The following ACP6 variants were observed in gnomAD, a reference collection of about 807,000 sequenced individuals.
ACP6 encodes lysophosphatidic acid phosphatase type 6.
A neutral mutation model predicts 48.1 loss-of-function variants in ACP6; 48 were observed. The ratio of observed to expected loss-of-function variants is 1.00; its 90% CI spans 0.79 to 1.27. The LOEUF is 1.27. Among genes scored for constraint, ACP6 ranks in the 50% most tolerant of loss-of-function variants. ACP6 has a pLI of 0.00. For synonymous variants in ACP6, 172 were observed against 204.2 expected, an observed-to-expected ratio of 0.84 and a Z score of 1.34; for missense variants, 485 against 529.1, an observed-to-expected ratio of 0.92 and a Z score of 0.82.
chr1:147,668,686 C>T (rs782547013), intron 1 of ACP6, among the ~76,000 whole-genome samples: 8 of 151,764 alleles, frequency 5.3e-5, no homozygotes, highest in Non-Finnish European at 1.2e-4. Context: ...ATCAAAGAAT[C>T]AAAATGAAAG....
rs1553212372 is a variant in ACP6 at position 147,659,674 on chromosome 1, G to A, written c.321C>T (p.Asp107=). The A allele has an allele frequency of 6.2e-7, 1 of 1,614,250 alleles. No individual in the cohort carries two copies. Among genetic ancestry groups the A allele is most frequent in the Non-Finnish European group, 8.5e-7 (1 of 1,180,040 alleles). ...TCAGGGTGGTCTCATGGTATTGAGAGTCGTAAGGAGAATATGGTTTCGGAC... is the reference window on the plus strand; with the variant it reads ...TCAGGGTGGTCTCATGGTATTGAGAATCGTAAGGAGAATATGGTTTCGGAC... ...AGGPKPYSPY[D]SQYHETTLKG... is the part of the protein sequence containing the mutation. The change falls in exon 2 of 10, where the codon GAC becomes GAT. Residue 107 remains aspartate (D), a synonymous_variant. Coordinates refer to ENST00000583509, the MANE Select transcript of ACP6 (RefSeq NM_016361.5).
At chr1:147,652,694 G>A in intron 6 of ACP6, 145 bp from the exon 7 acceptor site, 1 of 1,556,672 alleles carries the variant, frequency 6.4e-7, no homozygotes, top group South Asian at 1.1e-5. Flanking sequence ...CTGTTAACAG[G>A]TCAAGAAGCT....
At chr1:147,652,361 G>T in intron 7 of ACP6, 88 bp downstream of exon 7, 1 of 1,311,794 alleles carries the variant, frequency 7.6e-7, no homozygotes. Flanking sequence ...CAGCTGTCAG[G>T]TGTGAGTGGG....
intron 8 of ACP6, among the ~76,000 whole-genome samples, chr1:147,648,934 A>G (rs1659768529): frequency 6.6e-6 from 1 of 152,194 alleles, no homozygotes; most frequent in Admixed American, 6.5e-5. Flanking sequence ...GCCTGACACC[A>G]GTATCCATCT....
intron 7 of ACP6, 42 bp downstream of exon 7, chr1:147,652,407 C>G (rs1553210688): frequency 6.4e-7 from 1 of 1,570,176 alleles, no homozygotes; most frequent in East Asian, 2.3e-5. Context: ...ACTTGGATGT[C>G]TGACCAAGCG....
chr1:147,669,066 A>G (rs1235241171), intron 1 of ACP6, among the ~76,000 whole-genome samples: 1 of 149,770 alleles, frequency 6.7e-6, no homozygotes, highest in Non-Finnish European at 1.5e-5. Context: ...TTCTGCTATA[A>G]AAAGTCACAT....
Position 147,669,967 on chromosome 1 carries a change from G to A in ACP6, c.82C>T (p.Arg28Trp). The A allele has an allele frequency of 1.3e-6, 2 of 1,550,310 alleles. No homozygotes were observed. The highest frequency in any genetic ancestry group is 4.9e-5 in the East Asian group (2 of 41,044). Residue 28 changes from arginine (R) to tryptophan (W), a missense_variant, in exon 1 of 10, where the codon CGG (arginine) becomes TGG (tryptophan). Physicochemically the swap from Arg to Trp is moderately radical, Grantham distance 101 (BLOSUM62 -3). Transcript: ENST00000583509. ...TCCTGCAGCTCGGCCAGGGCCACCC[G>A]CCGCTGGTGCAGGCAGTACGCCAGC... Reference protein sequence around the residue: ...TSLAYCLHQRRVALAELQEAD... With the variant: ...TSLAYCLHQRWVALAELQEAD...
intron 5 of ACP6, 28 bp from the exon 6 acceptor site, chr1:147,654,354 A>T: frequency 6.2e-7 from 1 of 1,611,342 alleles, no homozygotes; most frequent in Non-Finnish European, 8.5e-7. Context: ...GTAAAGCCTT[A>T]TATTCTATAG....
At chr1:147,650,113 T>C in intron 8 of ACP6, 30 bp downstream of exon 8, 9 of 1,588,704 alleles carry the variant, frequency 5.7e-6, no homozygotes, top group Non-Finnish European at 7.7e-6. Flanking sequence ...GGCCCTTAGC[T>C]GCACAAAGCA....
Position 147,650,433 on chromosome 1 carries a change from T to C in ACP6, c.882-195A>G, listed in dbSNP as rs1659859108. 2.7e-5 allele frequency: 14 copies of C among 510,124 alleles called. No individual in the cohort carries two copies. The South Asian group carries it at 4.1e-4, about 15-fold the overall frequency. The allele number at this position is 510,124 out of a possible 1,614,324, so 31.6% of individuals were successfully genotyped here. ...CTTGGGGTCCTCTGTGAATGAAGAC[T>C]CCCAACAACACAGGCACCAGCACAC... On this transcript the variant is annotated intron_variant, in intron 7 of 9. Transcript: ENST00000583509.
At chr1:147,631,792 C>T (rs967245269) in intron 5 of ACP6, among the ~76,000 whole-genome samples, 2 of 151,872 alleles carry the variant, frequency 1.3e-5, no homozygotes, top group African/African-American at 4.8e-5. Context: ...CCAGCCTGGG[C>T]GACAGAGTGA....
chr1:147,662,200 C>T (rs587757090), intron 1 of ACP6, among the ~76,000 whole-genome samples: 15 of 152,324 alleles, frequency 9.8e-5, no homozygotes, highest in African/African-American at 2.9e-4. Flanking sequence ...CACCCAAAGG[C>T]GCTAATGGAG....
intron 5 of ACP6, among the ~76,000 whole-genome samples, chr1:147,633,464 CTTTCT>C (rs1659222319): frequency 6.7e-6 from 1 of 149,742 alleles, no homozygotes; most frequent in Non-Finnish European, 1.5e-5. Context: ...GAGACTATTA[CTTTCT>C]TTTATCTGAG....
downstream of ACP6, among the ~76,000 whole-genome samples, chr1:147,637,251 C>T (rs1039768966): frequency 6.6e-6 from 1 of 152,114 alleles, no homozygotes; most frequent in South Asian, 2.1e-4. Context: ...GGGACTGGCC[C>T]GTGTGTGACC....
chr1:147,655,287 C>T (rs1553211424), intron 4 of ACP6, 39 bp from the exon 5 acceptor site: 1 of 1,471,168 alleles, frequency 6.8e-7, no homozygotes, highest in Non-Finnish European at 9.4e-7. Context: ...GCAGAGGCTT[C>T]AGCTTGTTCT....
At chr1:147,657,541 C>A (rs1157487507) in intron 4 of ACP6, among the ~76,000 whole-genome samples, 2 of 152,168 alleles carry the variant, frequency 1.3e-5, no homozygotes, top group African/African-American at 4.8e-5. Flanking sequence ...CTGCCTCAGC[C>A]TCCTGAATAG....
chr1:147,654,082 T>C (rs1553211114), intron 6 of ACP6, 112 bp downstream of exon 6: 10 of 1,517,846 alleles, frequency 6.6e-6, no homozygotes, highest in Non-Finnish European at 8.8e-6. Flanking sequence ...GTAGGTCTTA[T>C]CACAGTTGCC....
intron 1 of ACP6, 104 bp from the exon 2 acceptor site, chr1:147,659,879 C>G: frequency 1.4e-6 from 2 of 1,385,302 alleles, no homozygotes; most frequent in Non-Finnish European, 1.9e-6. Flanking sequence ...ATCACTGACA[C>G]TAGGCCTGCA....
rs782338242 is a variant in ACP6 at position 147,647,151 on chromosome 1, C to A, written c.*272G>T. The A allele has an allele frequency of 1.7e-5, 6 of 360,678 alleles. No homozygotes were observed. Among genetic ancestry groups the A allele is most frequent in the Non-Finnish European group, 2.5e-5 (5 of 196,088 alleles). The allele number at this position is 360,678 out of a possible 1,614,324, so 22.3% of individuals were successfully genotyped here. A position where few individuals can be genotyped will look rare whatever the true frequency, so the allele number is the denominator to read the frequency against. ...AAAGTCCAAAACCGACACAATTCTA[C>A]AGGGTCATGATGTCCCCAGCCCGTG... On this transcript the variant is annotated 3_prime_UTR_variant, in exon 10 of 10. Coordinates refer to ENST00000583509, the MANE Select transcript of ACP6 (RefSeq NM_016361.5).
Sources: allele counts gnomAD v4.1 joint callset (sites outside exome capture counted in the v4.1 genomes callset), GRCh38; gene constraint gnomAD v4.1.1; transcripts MANE v1.5; gene names NCBI Gene and HGNC (gene_info 2026-07-23, HGNC 2026-07-21).